HEMK2: variants seen among roughly 807,000 people sequenced by gnomAD.
HEMK2 encodes the protein HemK methyltransferase 2, ETF1 glutamine and histone H4 lysine.
chr21:28,838,749 G>C, the HEMK2 span, among the ~76,000 whole-genome samples: 5 of 150,752 alleles, frequency 3.3e-5, no homozygotes, highest in South Asian at 1.0e-3. Context: ...AGACCAGCCT[G>C]ACCAACATGG....
At chr21:28,599,935 T>C in the HEMK2 span, among the ~76,000 whole-genome samples, 5 of 152,178 alleles carry the variant, frequency 3.3e-5, no homozygotes, top group Admixed American at 6.5e-5. Context: ...GTGTCTCACA[T>C]CTAGGTCATG....
At chr21:28,784,015 T>A in the HEMK2 span, among the ~76,000 whole-genome samples, 80,316 of 151,984 alleles carry the variant, frequency 0.53, 23,763 homozygotes, top group African/African-American at 0.79. Context: ...CGGGAACTGT[T>A]GCCTGCCATG....
the HEMK2 span, among the ~76,000 whole-genome samples, chr21:28,819,180 A>C: frequency 6.6e-6 from 1 of 152,102 alleles, no homozygotes; most frequent in East Asian, 1.9e-4. Context: ...CTCAAGTAAA[A>C]CTAGATGGGT....
At chr21:28,725,500 TTGA>T in the HEMK2 span, among the ~76,000 whole-genome samples, 54 of 152,278 alleles carry the variant, frequency 3.5e-4, 1 homozygote, top group Non-Finnish European at 6.5e-4. Flanking sequence ...TGGAGGGAAC[TTGA>T]TGAAATCTCA....
chr21:28,774,588 T>TAA, the HEMK2 span, among the ~76,000 whole-genome samples: 2,173 of 150,946 alleles, frequency 0.014, 88 homozygotes, highest in East Asian at 0.16. Flanking sequence ...ACCCTGCTTC[T>TAA]AAAAAAAAAG....
the HEMK2 span, among the ~76,000 whole-genome samples, chr21:28,748,959 T>A: frequency 1.4e-5 from 2 of 147,746 alleles, no homozygotes; most frequent in Non-Finnish European, 1.5e-5. Flanking sequence ...TATTGCCCAA[T>A]AAACATCACA....
At chr21:28,871,495 G>A in the HEMK2 span, among the ~76,000 whole-genome samples, 9 of 152,218 alleles carry the variant, frequency 5.9e-5, no homozygotes, top group African/African-American at 2.2e-4. Flanking sequence ...CAATACTAGG[G>A]GATTAAAATT....
the HEMK2 span, among the ~76,000 whole-genome samples, chr21:28,697,165 C>T: frequency 6.6e-6 from 1 of 152,306 alleles, no homozygotes; most frequent in South Asian, 2.1e-4. Context: ...AATTTCTCCC[C>T]CAGAAAATGG....
the HEMK2 span, among the ~76,000 whole-genome samples, chr21:28,812,105 T>C: frequency 6.6e-6 from 1 of 152,108 alleles, no homozygotes. Flanking sequence ...GAAACGAAAA[T>C]TGCTGGGCAT....
the HEMK2 span, among the ~76,000 whole-genome samples, chr21:28,765,675 G>A: frequency 6.6e-6 from 1 of 151,924 alleles, no homozygotes; most frequent in South Asian, 2.1e-4. Context: ...GAGAGACCCT[G>A]GTAATAGCCA....
At chr21:28,824,971 C>T in the HEMK2 span, among the ~76,000 whole-genome samples, 179 of 152,298 alleles carry the variant, frequency 1.2e-3, 1 homozygote, top group Non-Finnish European at 1.7e-3. Flanking sequence ...CCAGTTAACC[C>T]GTCTTGGGCA....
chr21:28,814,566 C>A, the HEMK2 span, among the ~76,000 whole-genome samples: 2 of 150,692 alleles, frequency 1.3e-5, no homozygotes, highest in Non-Finnish European at 3.0e-5. Context: ...AAAAAGTGGG[C>A]GAAGGATATG....
chr21:28,827,805 G>C, the HEMK2 span, among the ~76,000 whole-genome samples: 1 of 152,138 alleles, frequency 6.6e-6, no homozygotes, highest in Non-Finnish European at 1.5e-5. Flanking sequence ...ATTGCATGCT[G>C]CTTTTAATAC....
the HEMK2 span, among the ~76,000 whole-genome samples, chr21:28,643,855 G>T: frequency 6.6e-6 from 1 of 152,238 alleles, no homozygotes; most frequent in Admixed American, 6.5e-5. Context: ...AGGAAGCTCT[G>T]CTCCATGTAG....
the HEMK2 span, among the ~76,000 whole-genome samples, chr21:28,641,856 C>A: frequency 1.3e-5 from 2 of 152,214 alleles, no homozygotes; most frequent in African/African-American, 4.8e-5. Flanking sequence ...GCAGCCACTT[C>A]CCTCACACAA....
chr21:28,670,309 T>C, the HEMK2 span, among the ~76,000 whole-genome samples: 1 of 152,174 alleles, frequency 6.6e-6, no homozygotes, highest in South Asian at 2.1e-4. Context: ...TCCCACATGA[T>C]TAAAAATATT....
chr21:28,806,341 T>C, the HEMK2 span, among the ~76,000 whole-genome samples: 4 of 152,244 alleles, frequency 2.6e-5, no homozygotes, highest in Admixed American at 6.5e-5. Context: ...ATATGCCATA[T>C]GTAACATGAC....
At chr21:28,877,655 CAA>C in the HEMK2 span, among the ~76,000 whole-genome samples, 7 of 151,468 alleles carry the variant, frequency 4.6e-5, no homozygotes, top group East Asian at 1.9e-4. Context: ...GGGAGAAAGA[CAA>C]GAGAAAACTA....
At chr21:28,692,568 CA>C in the HEMK2 span, among the ~76,000 whole-genome samples, 2 of 151,582 alleles carry the variant, frequency 1.3e-5, no homozygotes, top group Admixed American at 1.3e-4. Flanking sequence ...GGAAATAAAC[CA>C]AAATGATTAA....
Sources: allele counts gnomAD v4.1 joint callset (sites outside exome capture counted in the v4.1 genomes callset), GRCh38; gene constraint gnomAD v4.1.1; transcripts MANE v1.5; gene names NCBI Gene and HGNC (gene_info 2026-07-23, HGNC 2026-07-21).